The following ATG10 variants were observed in gnomAD, a reference collection of about 807,000 sequenced individuals.
ATG10 encodes autophagy related 10.
ATG10 carries 30 observed loss-of-function variants against 32.1 expected under a neutral mutation model. The observed-to-expected ratio is 0.94, with a 90% CI of 0.70 to 1.27. The LOEUF (loss-of-function observed/expected upper bound fraction) is 1.27, where lower values mean the gene tolerates loss of function less well. ATG10 is among the 50% of genes most tolerant of loss of function. The pLI, the probability that ATG10 is intolerant of heterozygous loss-of-function variation, is 0.00. For synonymous variants in ATG10, 87 were observed against 91.5 expected, an observed-to-expected ratio of 0.95 and a Z score of 0.28; for missense variants, 233 against 262.3, an observed-to-expected ratio of 0.89 and a Z score of 0.77.
At chr5:82,131,872 T>A (rs928761906) in intron 3 of ATG10, among the ~76,000 whole-genome samples, 3 of 152,058 alleles carry the variant, frequency 2.0e-5, no homozygotes, top group African/African-American at 7.2e-5. Context: ...CATCTGCTTC[T>A]GGGATAGGGG....
At chr5:82,121,560 C>T (rs1485653304) in intron 3 of ATG10, among the ~76,000 whole-genome samples, 1 of 152,116 alleles carries the variant, frequency 6.6e-6, no homozygotes, top group East Asian at 1.9e-4. Context: ...GGAATGATTC[C>T]AGCTTTTGCC....
intron 3 of ATG10, among the ~76,000 whole-genome samples, chr5:82,163,155 T>C (rs1414303853): frequency 2.0e-5 from 3 of 152,222 alleles, no homozygotes; most frequent in African/African-American, 7.2e-5. Flanking sequence ...TACCTATGCC[T>C]AGTGAAAATT....
At chr5:82,136,226 T>C (rs543993138) in intron 3 of ATG10, among the ~76,000 whole-genome samples, 1 of 152,290 alleles carries the variant, frequency 6.6e-6, no homozygotes, top group Admixed American at 6.5e-5. Context: ...CTCATTTAGA[T>C]TTATGGTTAA....
intron 3 of ATG10, among the ~76,000 whole-genome samples, chr5:82,103,917 T>A (rs1409227019): frequency 6.6e-6 from 1 of 152,202 alleles, no homozygotes; most frequent in Admixed American, 6.6e-5. Context: ...CACTACAATT[T>A]ATTTTTCCTC....
chr5:82,156,655 A>G (rs946150072), intron 3 of ATG10, among the ~76,000 whole-genome samples: 33 of 152,324 alleles, frequency 2.2e-4, no homozygotes, highest in African/African-American at 7.7e-4. Flanking sequence ...TGTAAAGGGT[A>G]ACACTGAAGA....
chr5:82,247,103 A>C (rs1373527602), intron 5 of ATG10, among the ~76,000 whole-genome samples: 1 of 152,166 alleles, frequency 6.6e-6, no homozygotes, highest in Non-Finnish European at 1.5e-5. Context: ...CTATTGGACT[A>C]TGATGTGTCT....
At chr5:82,071,618 G>C (rs975341643) in intron 3 of ATG10, among the ~76,000 whole-genome samples, 2 of 152,156 alleles carry the variant, frequency 1.3e-5, no homozygotes, top group Non-Finnish European at 2.9e-5. Context: ...CCTTGGGGAT[G>C]GCTGAGAGAG....
intron 3 of ATG10, among the ~76,000 whole-genome samples, chr5:82,060,075 T>G (rs1763718429): frequency 6.6e-6 from 1 of 152,190 alleles, no homozygotes; most frequent in Non-Finnish European, 1.5e-5. Context: ...GAACTGACAC[T>G]TTCTGGTTGA....
intron 2 of ATG10, among the ~76,000 whole-genome samples, chr5:81,995,067 T>G (rs1260523325): frequency 6.6e-6 from 1 of 152,222 alleles, no homozygotes; most frequent in East Asian, 1.9e-4. Context: ...ATCTCGAATT[T>G]CACCTTGTTT....
At chr5:81,997,773 C>G (rs1761712041) in intron 2 of ATG10, among the ~76,000 whole-genome samples, 1 of 152,044 alleles carries the variant, frequency 6.6e-6, no homozygotes, top group African/African-American at 2.4e-5. Context: ...ATCGACCAAG[C>G]TGAGGAAAGA....
chr5:82,223,790 T>C (rs1746017347), intron 5 of ATG10, among the ~76,000 whole-genome samples: 1 of 151,972 alleles, frequency 6.6e-6, no homozygotes, highest in South Asian at 2.1e-4. Context: ...AAGTAGAGAG[T>C]TTGTTTATTA....
chr5:82,060,906 A>G (rs1016148628), intron 3 of ATG10, among the ~76,000 whole-genome samples: 3 of 152,192 alleles, frequency 2.0e-5, no homozygotes, highest in Admixed American at 6.5e-5. Flanking sequence ...TGTGGTATAA[A>G]CAATAGAATC....
At chr5:82,143,981 A>G (rs549388738) in intron 3 of ATG10, among the ~76,000 whole-genome samples, 2 of 152,304 alleles carry the variant, frequency 1.3e-5, no homozygotes, top group South Asian at 2.1e-4. Flanking sequence ...CTTTGTGAGA[A>G]GGTTTTAAAC....
At position 82,109,588 on chromosome 5, in the gene ATG10, G is replaced by GA. The variant is rs1445432534; in HGVS notation, c.216+50993dup. Reference sequence around the variant, plus strand: ...ACTTTTTATTTGATTTTTTATGAGAGAAAAAAATCACTATTTTTTATAATG... The same window carrying GA: ...ACTTTTTATTTGATTTTTTATGAGAGAAAAAAAATCACTATTTTTTATAATG... On this transcript the variant is annotated intron_variant, in intron 3 of 7. Transcript: ENST00000282185. Among the ~76,000 whole-genome samples the GA allele has an allele frequency of 4.0e-5, 6 of 151,268 alleles. No individual in the cohort carries two copies. In the East Asian group the frequency reaches 7.8e-4, roughly 20 times the overall value.
intron 3 of ATG10, among the ~76,000 whole-genome samples, chr5:82,061,779 C>CACATAT (rs1554044767): frequency 7.4e-6 from 1 of 135,388 alleles, no homozygotes; most frequent in African/African-American, 2.8e-5. Context: ...TACATGTACA[C>CACATAT]ATATATATAT....
intron 5 of ATG10, among the ~76,000 whole-genome samples, chr5:82,237,435 G>T (rs1158240342): frequency 6.6e-6 from 1 of 152,082 alleles, no homozygotes; most frequent in Non-Finnish European, 1.5e-5. Flanking sequence ...CCTGAGGTCA[G>T]GAGTTCGAGA....
At chr5:82,243,486 T>A (rs1276442246) in intron 5 of ATG10, among the ~76,000 whole-genome samples, 1 of 152,046 alleles carries the variant, frequency 6.6e-6, no homozygotes, top group African/African-American at 2.4e-5. Context: ...ACAATTTTTT[T>A]AAATGAATAA....
intron 5 of ATG10, among the ~76,000 whole-genome samples, chr5:82,221,021 T>C (rs1026762311): frequency 6.6e-5 from 10 of 152,316 alleles, no homozygotes; most frequent in African/African-American, 2.2e-4. Context: ...CTTCCCAAAG[T>C]GCTGGGATGA....
chr5:82,221,351 G>A (rs555633454), intron 5 of ATG10, among the ~76,000 whole-genome samples: 1 of 152,202 alleles, frequency 6.6e-6, no homozygotes, highest in African/African-American at 2.4e-5. Context: ...ATTCATAAGT[G>A]GTTTGTAACC....
Sources: allele counts gnomAD v4.1 joint callset (sites outside exome capture counted in the v4.1 genomes callset), GRCh38; gene constraint gnomAD v4.1.1; transcripts MANE v1.5; gene names NCBI Gene and HGNC (gene_info 2026-07-23, HGNC 2026-07-21).